Variants in RBP5 observed in about 807,000 individuals in gnomAD.
RBP5 encodes retinol binding protein 5, also known as retinol-binding protein 5.
Under a neutral mutation model 17.8 loss-of-function variants are expected in RBP5, and 12 were observed. The observed-to-expected ratio is 0.67, with a 90% confidence interval of 0.43 to 1.09. The LOEUF is 1.09. Ranked by LOEUF, RBP5 falls within the 50% of genes least tolerant of loss-of-function variation. The pLI is 0.00. For missense variants in RBP5, 172 were observed against 169.4 expected (o/e 1.02, Z -0.09); for synonymous variants, 64 against 68.1 (o/e 0.94, Z 0.30).
In RBP5 at chr12:7,124,395, G is replaced by A. The variant is rs1390996430; in HGVS notation, c.355-221C>T. Among the ~76,000 whole-genome samples the A allele has an allele frequency of 6.6e-6, 1 of 152,134 alleles. No homozygotes were observed. The highest frequency in any genetic ancestry group is 1.5e-5 in the Non-Finnish European group (1 of 68,020). On this transcript the variant is annotated intron_variant, in intron 3 of 3. Transcript: ENST00000266560. This position sits in a 1 kb window ranked among gnomAD's most constrained non-coding sequence, Gnocchi z 5.3. Reference sequence around the variant, plus strand: ...TGTGAGTGGCTGAAGCCTCCATCTCGCCAGTGATGATTTATGGGCATTCAT... The same window carrying A: ...TGTGAGTGGCTGAAGCCTCCATCTCACCAGTGATGATTTATGGGCATTCAT...
downstream of RBP5, among the ~76,000 whole-genome samples, chr12:7,120,241 G>A (rs942020723): frequency 6.6e-6 from 1 of 152,036 alleles, no homozygotes; most frequent in African/African-American, 2.4e-5. Context: ...GGTCAGCTAC[G>A]TTTTATACCC....
rs1939119407 is a variant in RBP5, at chr12:7,124,087, G to C, written c.*34C>G. On this transcript the variant is annotated 3_prime_UTR_variant, in exon 4 of 4. Coordinates refer to ENST00000266560, the MANE Select transcript of RBP5 (RefSeq NM_031491.4). The surrounding 1 kb of genome is among the most constrained non-coding windows in gnomAD (Gnocchi z 5.3). ...GGCACAACAAGAGCGTCTGTGAGCTGGTGCTGTCTGGAGGGATCTTGGCTC... is the reference window on the plus strand; with the variant it reads ...GGCACAACAAGAGCGTCTGTGAGCTCGTGCTGTCTGGAGGGATCTTGGCTC... 1 of 1,603,932 alleles carries C rather than the reference G, an allele frequency of 6.2e-7. No homozygotes were observed. The highest frequency in any genetic ancestry group is 8.5e-7 in the Non-Finnish European group (1 of 1,170,880).
Position 7,124,575 on chromosome 12 carries a change from A to C in RBP5, c.354+54T>G, listed in dbSNP as rs948519177. 6.2e-6 allele frequency: 6 copies of C among 970,908 alleles called. No individual in the cohort carries two copies. Among genetic ancestry groups the C allele is most frequent in the Non-Finnish European group, 9.9e-6 (6 of 603,174 alleles). The allele number at this position is 970,908 out of a possible 1,614,324, so 60.1% of individuals were successfully genotyped here. On this transcript the variant is annotated intron_variant, in intron 3 of 3. Transcript: ENST00000266560. The surrounding 1 kb of genome is among the most constrained non-coding windows in gnomAD (Gnocchi z 5.3). ...GGACCTATCTGGTTTGGACAAGGGG[A>C]TGCCTTATAGCTGGAGGCCCTTCTC... is the stretch of plus-strand genomic sequence containing the variant.
intron 2 of RBP5, among the ~76,000 whole-genome samples, chr12:7,127,237 G>T (rs964013642): frequency 1.3e-5 from 2 of 151,964 alleles, no homozygotes; most frequent in African/African-American, 4.8e-5. Context: ...CAGGTGATCC[G>T]CCCGCCTTGG....
intron 2 of RBP5, among the ~76,000 whole-genome samples, chr12:7,125,760 T>C (rs1202512352): frequency 6.6e-6 from 1 of 152,186 alleles, no homozygotes; most frequent in Non-Finnish European, 1.5e-5. Context: ...ACCTAGAGTA[T>C]ATGTGGTGGA....
chr12:7,124,710 C>T lies in RBP5; in HGVS notation c.273G>A (p.Glu91=), dbSNP rs2135781907. The change falls in exon 3 of 4, where the codon GAG becomes GAA. Residue 91 remains glutamate (E), a synonymous_variant. Transcript: ENST00000266560. This position sits in a 1 kb window ranked among gnomAD's most constrained non-coding sequence, Gnocchi z 5.3. ...RKCQTIVTWE[E]EHLVCVQKGE... ...CTTTCTGCACACACACCAGGTGCTCCTCCTCCCAGGTTACTATGGTCTATA... is the reference window on the plus strand; with the variant it reads ...CTTTCTGCACACACACCAGGTGCTCTTCCTCCCAGGTTACTATGGTCTATA... 1 of 1,610,852 alleles carries T rather than the reference C, an allele frequency of 6.2e-7. No individual in the cohort carries two copies. Among genetic ancestry groups the T allele is most frequent in the Non-Finnish European group, 8.5e-7 (1 of 1,177,044 alleles).
downstream of RBP5, chr12:7,122,631 G>A (rs1591607476): frequency 6.6e-6 from 1 of 152,246 alleles, no homozygotes; most frequent in Non-Finnish European, 1.5e-5. Flanking sequence ...GAAGAGGCTT[G>A]GACATGCACT....
In RBP5 at chr12:7,126,517, GTGTGTGTGTGTGT is replaced by G. The variant is rs1565645364; in HGVS notation, c.252+1710_252+1722del. Among the ~76,000 whole-genome samples, 467 of 88,434 alleles carry G rather than the reference GTGTGTGTGTGTGT, an allele frequency of 5.3e-3. 4 individuals carry two copies. Among genetic ancestry groups the G allele is most frequent in the African/African-American group, 0.017 (418 of 25,042 alleles). 58.0% of individuals were successfully genotyped at this position (88,434 alleles called of 152,430 possible). On this transcript the variant is annotated intron_variant, in intron 2 of 3. Coordinates refer to ENST00000266560, the MANE Select transcript of RBP5 (RefSeq NM_031491.4). Reference sequence around the variant, plus strand: ...GGTGGTGGTGGTGGTGGTGGTGTGTGTGTGTGTGTGTGTGTGTGTGTGTGTGTGTGTGTGTGTG... The same window carrying G: ...GGTGGTGGTGGTGGTGGTGGTGTGTGGTGTGTGTGTGTGTGTGTGTGTGTG...
At chr12:7,118,503 C>T (rs771975712) in intron 3 of RBP5, 1 of 152,222 alleles carries the variant, frequency 6.6e-6, no homozygotes, top group Non-Finnish European at 1.5e-5. Context: ...CGCTGTTGTT[C>T]TGTGTACAGA....
At position 7,124,201 on chromosome 12, in the gene RBP5, A is replaced by G. The variant is rs924291989; in HGVS notation, c.355-27T>C. 3.1e-6 allele frequency: 5 copies of G among 1,611,500 alleles called. No homozygotes were observed. The African/African-American group carries it at 5.3e-5, about 17-fold the overall frequency. On this transcript the variant is annotated intron_variant, in intron 3 of 3. Transcript: ENST00000266560. The surrounding 1 kb of genome is among the most constrained non-coding windows in gnomAD (Gnocchi z 5.3). ...TGGGGAGAGAGGGGAAGTGAGGGGG[A>G]GAGAGAAAGAGGGCGTTTGCCAGCC...
intron 2 of RBP5, chr12:7,127,716 T>G: frequency 1.4e-6 from 1 of 702,184 alleles, no homozygotes; most frequent in Non-Finnish European, 2.6e-6. Context: ...GGGCAGCCTA[T>G]AGATGGAAGC....
At chr12:7,129,610 C>A (rs768161628), upstream of RBP5, 32 of 985,512 alleles carry the variant, frequency 3.2e-5, no homozygotes, top group East Asian at 3.1e-3. This position sits in a 1 kb window ranked among gnomAD's most constrained non-coding sequence, Gnocchi z 5.5. Context: ...AGTCCCCAGC[C>A]CTAGGACAGC....
chr12:7,123,063 C>T (rs147941167), downstream of RBP5, among the ~76,000 whole-genome samples: 1 of 152,258 alleles, frequency 6.6e-6, no homozygotes, highest in Non-Finnish European at 1.5e-5. Context: ...TCTTTTCCCA[C>T]CCTCACATTG....
rs201509522 is a variant in RBP5 at position 7,128,328 on chromosome 12, A to G, written c.164T>C (p.Leu55Pro). ...HQGNHMTVRT[L>P]STFRNYTVQF... ...CACAGTGTAGTTTCGGAAGGTGCTG[A>G]GCGTCCTCACCGTCATGTGGTTGCC... The change falls in exon 2 of 4, where the codon CTC becomes CCC. Residue 55 changes from leucine (L) to proline (P), a missense_variant. Coordinates refer to ENST00000266560, the MANE Select transcript of RBP5 (RefSeq NM_031491.4). The surrounding 1 kb of genome is among the most constrained non-coding windows in gnomAD (Gnocchi z 5.3). The G allele has an allele frequency of 1.1e-4, 174 of 1,613,818 alleles. 2 individuals carry two copies. Among genetic ancestry groups the G allele is most frequent in the Middle Eastern group, 1.6e-4 (1 of 6,084 alleles).
intron 2 of RBP5, chr12:7,127,492 C>G (rs1939192046): frequency 3.4e-6 from 2 of 595,526 alleles, no homozygotes; most frequent in Admixed American, 5.7e-5. Context: ...TGTACATGCT[C>G]TGTAAATAGT....
intron 3 of RBP5, chr12:7,118,158 GT>G (rs1939029197): frequency 6.6e-6 from 1 of 152,252 alleles, no homozygotes; most frequent in African/African-American, 2.4e-5. Context: ...ACAGGCTGGG[GT>G]GGGGGCTTTG....
chr12:7,128,060 G>A lies in RBP5; in HGVS notation c.252+180C>T, dbSNP rs751326328. On this transcript the variant is annotated intron_variant, in intron 2 of 3. Transcript: ENST00000266560. The surrounding 1 kb of genome is among the most constrained non-coding windows in gnomAD (Gnocchi z 5.3). Reference sequence around the variant, plus strand: ...AGGGAAGAAGTGGGAGAGAGACAGGGAGCACCAGGACCTGTTAGTTCTGGA... The same window carrying A: ...AGGGAAGAAGTGGGAGAGAGACAGGAAGCACCAGGACCTGTTAGTTCTGGA... 2.0e-5 allele frequency among the ~76,000 whole-genome samples: 3 copies of A among 152,318 alleles called. No individual in the cohort carries two copies. Among genetic ancestry groups the A allele is most frequent in the Non-Finnish European group, 2.9e-5 (2 of 68,028 alleles).
intron 2 of RBP5, chr12:7,127,676 A>AGAT: frequency 1.4e-6 from 1 of 702,276 alleles, no homozygotes; most frequent in East Asian, 2.7e-5. Context: ...GGAGCTCAGG[A>AGAT]GATGGCTCTG....
At chr12:7,122,803 T>C (rs966753003), downstream of RBP5, among the ~76,000 whole-genome samples, 2 of 152,196 alleles carry the variant, frequency 1.3e-5, no homozygotes, top group African/African-American at 4.8e-5. Flanking sequence ...TCCACTCTAC[T>C]GTGGACATCT....
Sources: gnomAD v4.1 joint callset for allele counts (sites outside exome capture counted in the v4.1 genomes callset) on GRCh38, gnomAD v4.1.1 for gene constraint, Gnocchi (gnomAD v3.1) non-coding constraint, MANE v1.5 for transcripts, NCBI Gene and HGNC (gene_info 2026-07-23, HGNC 2026-07-21) for gene names.